The following SGK1 variants were observed in gnomAD, a reference collection of about 807,000 sequenced individuals.
SGK1 encodes serine/threonine-protein kinase Sgk1.
A neutral mutation model predicts 64.2 loss-of-function variants in SGK1; 26 were observed. That is an observed-to-expected ratio of 0.40 (90% CI 0.30 to 0.56). The LOEUF (loss-of-function observed/expected upper bound fraction) is 0.56, where lower values mean the gene tolerates loss of function less well. SGK1 is among the 20% of genes least tolerant of loss of function. The pLI is 0.38. For missense variants in SGK1, 519 were observed against 645.6 expected, an observed-to-expected ratio of 0.80 and a Z score of 2.12; for synonymous variants, 265 against 239.7, an observed-to-expected ratio of 1.11 and a Z score of -0.98.
chr6:134,222,685 CTA>C (rs1236480181), intron 2 of SGK1, among the ~76,000 whole-genome samples: 1 of 152,038 alleles, frequency 6.6e-6, no homozygotes, highest in Non-Finnish European at 1.5e-5. Context: ...AGATTATTGT[CTA>C]TGACTATAAC....
chr6:134,250,339 T>G (rs1776588854), intron 2 of SGK1, among the ~76,000 whole-genome samples: 1 of 152,230 alleles, frequency 6.6e-6, no homozygotes, highest in Non-Finnish European at 1.5e-5. Flanking sequence ...GGAACAGAGC[T>G]GAGTCACTTA....
chr6:134,171,395 T>TA (rs1391418383), intron 11 of SGK1: 8 of 613,004 alleles, frequency 1.3e-5, no homozygotes, highest in African/African-American at 7.4e-5. Context: ...GGGTAGATGT[T>TA]AATAAGTGGT....
At chr6:134,213,522 A>AAAATAAAT (rs562060619) in intron 2 of SGK1, among the ~76,000 whole-genome samples, 2 of 147,530 alleles carry the variant, frequency 1.4e-5, no homozygotes, top group East Asian at 1.9e-4. Flanking sequence ...ACTCTGTCTC[A>AAAATAAAT]AAATAAATAA....
At chr6:134,265,484 C>CAA (rs560164746) in intron 1 of SGK1, among the ~76,000 whole-genome samples, 4 of 145,972 alleles carry the variant, frequency 2.7e-5, no homozygotes, top group African/African-American at 7.6e-5. Flanking sequence ...AACAAACAAA[C>CAA]AAAAAAAATA....
intron 1 of SGK1, among the ~76,000 whole-genome samples, chr6:134,271,666 A>G (rs1776941879): frequency 6.8e-6 from 1 of 147,362 alleles, no homozygotes; most frequent in African/African-American, 2.4e-5. Flanking sequence ...TACACAGGTA[A>G]GCTCATGACA....
At chr6:134,219,553 G>T (rs894645288) in intron 2 of SGK1, among the ~76,000 whole-genome samples, 16 of 152,040 alleles carry the variant, frequency 1.1e-4, no homozygotes, top group Admixed American at 2.6e-4. Flanking sequence ...CTGAGGTTGG[G>T]AGTTCGAGAC....
rs542050039 is a variant in SGK1, at chr6:134,173,199, C to T, written c.703-45G>A. The T allele has an allele frequency of 2.4e-5, 38 of 1,609,810 alleles. No individual in the cohort carries two copies. In the South Asian group the frequency reaches 4.1e-4, roughly 17 times the overall value. On this transcript the variant is annotated intron_variant, in intron 7 of 13. Coordinates refer to ENST00000367858, the MANE Select transcript of SGK1 (RefSeq NM_001143676.3). Reference sequence around the variant, plus strand: ...GATTTAGTGGCATGTTTCAACTTGGCACCAACATTCCAGAATCAAGATTAT... The same window carrying T: ...GATTTAGTGGCATGTTTCAACTTGGTACCAACATTCCAGAATCAAGATTAT...
chr6:134,238,147 C>A (rs551408849), intron 2 of SGK1, among the ~76,000 whole-genome samples: 4 of 152,188 alleles, frequency 2.6e-5, no homozygotes, highest in Admixed American at 6.5e-5. Flanking sequence ...TTCCATTTTC[C>A]CACCTTTTGC....
At chr6:134,285,043 G>A (rs2114774428) in intron 1 of SGK1, among the ~76,000 whole-genome samples, 1 of 152,218 alleles carries the variant, frequency 6.6e-6, no homozygotes, top group East Asian at 1.9e-4. Flanking sequence ...TTTCTTTTGG[G>A]TAGAGACCCA....
chr6:134,275,404 T>C (rs1777004405), intron 1 of SGK1, among the ~76,000 whole-genome samples: 1 of 152,196 alleles, frequency 6.6e-6, no homozygotes, highest in Admixed American at 6.5e-5. Context: ...GCAAAAGCTG[T>C]CTTGTTGCTA....
chr6:134,244,315 G>A (rs1262702667), intron 2 of SGK1, among the ~76,000 whole-genome samples: 1 of 152,010 alleles, frequency 6.6e-6, no homozygotes, highest in Non-Finnish European at 1.5e-5. Context: ...TTTTTTTATG[G>A]CTGCATAGTA....
intron 1 of SGK1, among the ~76,000 whole-genome samples, chr6:134,283,873 C>CA (rs35999916): frequency 0.024 from 627 of 26,188 alleles, 135 homozygotes; most frequent in Non-Finnish European, 0.03. Flanking sequence ...CTGCCACCAC[C>CA]AAAAAAAAAA....
intron 1 of SGK1, among the ~76,000 whole-genome samples, chr6:134,288,002 C>G (rs1777211826): frequency 6.6e-6 from 1 of 151,988 alleles, no homozygotes; most frequent in Non-Finnish European, 1.5e-5. Flanking sequence ...AGATGTGACT[C>G]TAATAGATAA....
intron 1 of SGK1, among the ~76,000 whole-genome samples, chr6:134,281,148 T>C (rs1217658502): frequency 6.6e-6 from 1 of 152,198 alleles, no homozygotes; most frequent in Non-Finnish European, 1.5e-5. Flanking sequence ...GGAATCTGGA[T>C]TATAACCATG....
chr6:134,191,712 A>C (rs1422398338), intron 3 of SGK1, among the ~76,000 whole-genome samples: 1 of 150,138 alleles, frequency 6.7e-6, no homozygotes, highest in African/African-American at 2.5e-5. Context: ...TCTGTCGCCC[A>C]GGCTGGAGTG....
intron 3 of SGK1, among the ~76,000 whole-genome samples, chr6:134,185,961 C>A (rs1356298067): frequency 1.3e-5 from 2 of 152,108 alleles, no homozygotes; most frequent in South Asian, 2.1e-4. Context: ...ACCCCCCACA[C>A]CCCCCTGTCC....
chr6:134,198,718 C>CTTTTTTTTTTTT (rs1167394718), intron 3 of SGK1, among the ~76,000 whole-genome samples: 1 of 105,406 alleles, frequency 9.5e-6, no homozygotes. Flanking sequence ...TTCTTTTTCT[C>CTTTTTTTTTTTT]TTTTTCTATT....
intron 2 of SGK1, among the ~76,000 whole-genome samples, chr6:134,246,985 A>T (rs1776534326): frequency 6.6e-6 from 1 of 152,166 alleles, no homozygotes; most frequent in Non-Finnish European, 1.5e-5. Context: ...ACCATGCTTG[A>T]TGCATAGTAG....
At chr6:134,181,289 T>C (rs1472889693) in intron 3 of SGK1, among the ~76,000 whole-genome samples, 1 of 152,230 alleles carries the variant, frequency 6.6e-6, no homozygotes, top group African/African-American at 2.4e-5. Flanking sequence ...ACCTGAAAGC[T>C]TTGATTTGCT....
Sources: gnomAD v4.1 joint callset for allele counts (sites outside exome capture counted in the v4.1 genomes callset) on GRCh38, gnomAD v4.1.1 for gene constraint, MANE v1.5 for transcripts, NCBI Gene and HGNC (gene_info 2026-07-23, HGNC 2026-07-21) for gene names.